DLC1: variants seen among roughly 807,000 people sequenced by gnomAD.
DLC1 encodes the protein DLC1 Rho GTPase activating protein.
DLC1 carries 54 observed loss-of-function variants against 140.3 expected under a neutral mutation model. The ratio of observed to expected loss-of-function variants is 0.38; its 90% CI spans 0.31 to 0.48. The LOEUF (loss-of-function observed/expected upper bound fraction) is 0.48, where lower values mean the gene tolerates loss of function less well. Among genes scored for constraint, DLC1 ranks in the 20% least tolerant of loss-of-function variants. The pLI, the probability that DLC1 is intolerant of heterozygous loss-of-function variation, is 0.96. For missense variants in DLC1, 2,536 were observed against 1,907.0 expected (o/e 1.33, Z -6.14); for synonymous variants, 986 against 728.1 (o/e 1.35, Z -5.70).
chr8:13,552,519 A>G lies in DLC1; in HGVS notation c.-126+52018T>C, dbSNP rs557152005. On this transcript the variant is annotated intron_variant, in intron 1 of 1. Coordinates refer to the DLC1 transcript ENST00000631382. The stretch of plus-strand genomic sequence containing the variant: ...TATTTAATCTTATGATAGAAGTATC[A>G]GCTGTAACCTTAAAAACATGAGTGA... Among the ~76,000 whole-genome samples, 128 of 151,468 alleles carry G rather than the reference A, an allele frequency of 8.5e-4. 1 individual carries two copies. The highest frequency in any genetic ancestry group is 2.9e-3 in the African/African-American group (121 of 41,530).
chr8:13,305,787 A>G (rs1832393524), intron 4 of DLC1, among the ~76,000 whole-genome samples: 1 of 152,212 alleles, frequency 6.6e-6, no homozygotes, highest in Admixed American at 6.5e-5. Context: ...GCAGTGAGCT[A>G]TGATCGTGCT....
At chr8:13,446,613 G>A (rs1798786899) in intron 2 of DLC1, among the ~76,000 whole-genome samples, 1 of 152,050 alleles carries the variant, frequency 6.6e-6, no homozygotes, top group South Asian at 2.1e-4. Flanking sequence ...GGAGGGAAGG[G>A]GAGGAGGAGA....
chr8:13,574,308 A>C (rs957692306), intron 1 of DLC1, among the ~76,000 whole-genome samples: 3 of 152,342 alleles, frequency 2.0e-5, no homozygotes, highest in African/African-American at 7.2e-5. Context: ...TTTCAAGTAG[A>C]AAGTTATCTA....
At chr8:13,358,618 C>G (rs1315025478) in intron 4 of DLC1, among the ~76,000 whole-genome samples, 3 of 151,550 alleles carry the variant, frequency 2.0e-5, no homozygotes, top group Non-Finnish European at 4.4e-5. Flanking sequence ...TAAAGTTTGT[C>G]TTTCTTAAAT....
At chr8:13,385,562 G>A (rs772687676) in intron 4 of DLC1, among the ~76,000 whole-genome samples, 1 of 152,122 alleles carries the variant, frequency 6.6e-6, no homozygotes, top group Non-Finnish European at 1.5e-5. Context: ...TGGCATCTTA[G>A]GACTTTATGA....
chr8:13,574,162 T>C (rs1352325996), intron 1 of DLC1, among the ~76,000 whole-genome samples: 1 of 152,202 alleles, frequency 6.6e-6, no homozygotes, highest in African/African-American at 2.4e-5. Context: ...GCATTTCCTT[T>C]CAGCATGTAT....
At chr8:13,513,688 G>A (rs931060890) in intron 1 of DLC1, among the ~76,000 whole-genome samples, 1 of 151,676 alleles carries the variant, frequency 6.6e-6, no homozygotes, top group African/African-American at 2.4e-5. Context: ...ACACTTTTTC[G>A]GTCATTACTA....
intron 5 of DLC1, among the ~76,000 whole-genome samples, chr8:13,148,546 A>G (rs1356109958): frequency 2.0e-5 from 3 of 152,138 alleles, no homozygotes; most frequent in East Asian, 1.9e-4. Context: ...CAGGGCCTGT[A>G]AGGAGAAGCT....
At chr8:13,110,972 C>T in intron 6 of DLC1, 149 bp from the exon 7 acceptor site, 1 of 677,560 alleles carries the variant, frequency 1.5e-6, no homozygotes, top group Admixed American at 2.8e-5. Context: ...TTCTATGGGA[C>T]TATAAGGCAA....
chr8:13,536,021 A>G (rs1392649781), intron 1 of DLC1: 1 of 152,218 alleles, frequency 6.6e-6, no homozygotes, highest in Admixed American at 6.5e-5. Flanking sequence ...CAAGGAGAAC[A>G]ACAAAGAGTC....
chr8:13,559,760 C>G, intron 1 of DLC1, among the ~76,000 whole-genome samples: 1 of 152,160 alleles, frequency 6.6e-6, no homozygotes, highest in East Asian at 1.9e-4. Context: ...AAGTATGTAA[C>G]TCAAATTCAA....
intron 5 of DLC1, among the ~76,000 whole-genome samples, chr8:13,298,022 T>C (rs577837868): frequency 7.9e-5 from 12 of 152,172 alleles, no homozygotes; most frequent in Non-Finnish European, 1.6e-4. Flanking sequence ...AAAATTCTGA[T>C]TTTTCCCTTA....
intron 2 of DLC1, among the ~76,000 whole-genome samples, chr8:13,483,020 G>A (rs1370261493): frequency 1.3e-5 from 2 of 152,178 alleles, no homozygotes; most frequent in African/African-American, 2.4e-5. Context: ...GGGGCCAGAA[G>A]TCAAAGTAGG....
At chr8:13,154,546 C>T (rs1438015995) in intron 5 of DLC1, among the ~76,000 whole-genome samples, 1 of 152,218 alleles carries the variant, frequency 6.6e-6, no homozygotes, top group Non-Finnish European at 1.5e-5. Context: ...CCACGAGTGC[C>T]AGTGCGCAGC....
At chr8:13,251,061 T>C (rs1426953241) in intron 5 of DLC1, among the ~76,000 whole-genome samples, 1 of 152,198 alleles carries the variant, frequency 6.6e-6, no homozygotes, top group Non-Finnish European at 1.5e-5. Flanking sequence ...TGGTATCTGG[T>C]GAGGCCTCTC....
At chr8:13,424,182 G>GA (rs1337501927) in intron 2 of DLC1, among the ~76,000 whole-genome samples, 2 of 151,970 alleles carry the variant, frequency 1.3e-5, no homozygotes, top group Non-Finnish European at 2.9e-5. Flanking sequence ...GTCCTACCTG[G>GA]AAAAAATAGA....
chr8:13,401,584 G>C lies in DLC1; in HGVS notation c.1059C>G (p.Asp353Glu), dbSNP rs1265373666. ...GTTTCATAATCAGCAGCACCATGGA[G>C]TCCAGCCGCGCCCTATCTCGATCTT... Reference protein sequence around the residue: ...IREDRDRARLDSMVLLIMKLD... With the variant: ...IREDRDRARLESMVLLIMKLD... The change falls in exon 3 of 18, where the codon GAC becomes GAG. Residue 353 changes from aspartate (D) to glutamate (E), a missense_variant. By Grantham distance (45) the Asp-to-Glu change is conservative. Coordinates refer to ENST00000276297, the MANE Select transcript of DLC1 (RefSeq NM_182643.3). 7 of 1,613,694 alleles carry C rather than the reference G, an allele frequency of 4.3e-6. No homozygotes were observed. Among genetic ancestry groups the C allele is most frequent in the Non-Finnish European group, 5.9e-6 (7 of 1,179,966 alleles).
chr8:13,570,757 TTCG>T (rs1275098726), intron 1 of DLC1, among the ~76,000 whole-genome samples: 1 of 152,160 alleles, frequency 6.6e-6, no homozygotes, highest in East Asian at 1.9e-4. Context: ...CTCCCGCTTC[TTCG>T]TCGTCTTCAT....
chr8:13,316,185 A>C (rs901316507), intron 4 of DLC1, among the ~76,000 whole-genome samples: 1 of 152,098 alleles, frequency 6.6e-6, no homozygotes, highest in South Asian at 2.1e-4. Flanking sequence ...ATGCCTCCCT[A>C]CCAGCCACTT....
Sources: allele counts gnomAD v4.1 joint callset (sites outside exome capture counted in the v4.1 genomes callset), GRCh38; gene constraint gnomAD v4.1.1; transcripts MANE v1.5; gene names NCBI Gene and HGNC (gene_info 2026-07-23, HGNC 2026-07-21).